CYBC1: variants seen among roughly 807,000 people sequenced by gnomAD.
CYBC1 encodes cytochrome b-245 chaperone 1, also known as essential for reactive oxygen species protein.
A neutral mutation model predicts 21.7 loss-of-function variants in CYBC1; 22 were observed. The observed-to-expected ratio is 1.02, with a 90% CI of 0.73 to 1.45. The LOEUF (loss-of-function observed/expected upper bound fraction) is 1.45. Among genes scored for constraint, CYBC1 ranks in the 40% most tolerant of loss-of-function variants. The pLI is 0.00. For missense variants in CYBC1, 237 were observed against 242.1 expected, an observed-to-expected ratio of 0.98 and a Z score of 0.14; for synonymous variants, 112 against 98.7, an observed-to-expected ratio of 1.13 and a Z score of -0.80.
In CYBC1 at chr17:82,443,754, C is replaced by T. The variant is rs752909503; in HGVS notation, c.*250G>A. ...AGGCCAACTCGGCTGGAGGCACCAA[C>T]TGAAGCCAAGGCCACGGGTCCTGTG... On this transcript the variant is annotated 3_prime_UTR_variant, in exon 7 of 7. Transcript: ENST00000306645. The surrounding 1 kb of genome is among the most constrained non-coding windows in gnomAD (Gnocchi z 6.7). 29 of 926,634 alleles carry T rather than the reference C, an allele frequency of 3.1e-5. No individual in the cohort carries two copies. Among genetic ancestry groups the T allele is most frequent in the Non-Finnish European group, 3.5e-5 (20 of 566,126 alleles). The allele number at this position is 926,634 out of a possible 1,614,324, so 57.4% of individuals were successfully genotyped here.
chr17:82,445,684 G>A (rs2054239543), intron 5 of CYBC1, 180 bp downstream of exon 5: 1 of 561,282 alleles, frequency 1.8e-6, no homozygotes, highest in Admixed American at 3.1e-5. Flanking sequence ...CAGGTGAGCA[G>A]GTGGGGCGTA....
At chr17:82,447,181 G>A (rs1168598064) in intron 3 of CYBC1, 7 of 314,770 alleles carry the variant, frequency 2.2e-5, no homozygotes, top group Middle Eastern at 1.0e-3. Flanking sequence ...GTGAAACCCC[G>A]TCTCTACTAA....
intron 3 of CYBC1, 59 bp downstream of exon 3, chr17:82,447,521 T>G: frequency 1.5e-6 from 2 of 1,342,632 alleles, no homozygotes; most frequent in South Asian, 1.2e-5. Context: ...TTTCCTTCTT[T>G]TCTCTGTTTT....
Position 82,444,431 on chromosome 17 carries a change from AG to A in CYBC1, c.443+15del. The A allele has an allele frequency of 1.3e-6, 2 of 1,593,392 alleles. No homozygotes were observed. Among genetic ancestry groups the A allele is most frequent in the African/African-American group, 2.7e-5 (2 of 74,748 alleles). On this transcript the variant is annotated intron_variant, in intron 6 of 6. Transcript: ENST00000306645. ...ACGGCTGCAGCTCCGGCCAGATCAA[AG>A]TCCCACAGCCTTACCTGCGGTGGCC...
rs1023860494 is a variant in CYBC1 at position 82,443,374 on chromosome 17, G to A, written c.*630C>T. On this transcript the variant is annotated 3_prime_UTR_variant, in exon 7 of 7. Coordinates refer to ENST00000306645, the MANE Select transcript of CYBC1 (RefSeq NM_001033046.4). This position sits in a 1 kb window ranked among gnomAD's most constrained non-coding sequence, Gnocchi z 6.7. ...CGAGATCCTGGCATCAGCAAGGGAG[G>A]CGGGTCCTCGGGGAGGGGCAGCTTC... 2 of 485,444 alleles carry A rather than the reference G, an allele frequency of 4.1e-6. No homozygotes were observed. Among genetic ancestry groups the A allele is most frequent in the African/African-American group, 3.9e-5 (2 of 51,624 alleles). The allele number at this position is 485,444 out of a possible 1,614,324, so 30.1% of individuals were successfully genotyped here. A position where few individuals can be genotyped will look rare whatever the true frequency, so the allele number is the denominator to read the frequency against.
intron 1 of CYBC1, 168 bp downstream of exon 1, chr17:82,450,532 C>G (rs887049092): frequency 5.3e-5 from 8 of 152,312 alleles, no homozygotes; most frequent in African/African-American, 1.9e-4. Context: ...CCGGGGCCAA[C>G]CTGCAGCGGA....
Position 82,446,661 on chromosome 17 carries a change from A to C in CYBC1, c.163T>G (p.Cys55Gly), listed in dbSNP as rs1479092368. 3.7e-6 allele frequency: 6 copies of C among 1,614,136 alleles called. No individual in the cohort carries two copies. The South Asian group carries it at 6.6e-5, about 18-fold the overall frequency. Residue 55 changes from cysteine to glycine, a missense_variant, in exon 4 of 7, where the codon TGC becomes GGC. Coordinates refer to ENST00000306645, the MANE Select transcript of CYBC1 (RefSeq NM_001033046.4). ...LGWKLFYVTG[C>G]LFVAVQNLED... ...AAGTTCTGCACAGCCACAAACAGGC[A>C]GCCTGTGACGTAGAAGAGCTTCCAG...
chr17:82,443,684 C>A lies in CYBC1; in HGVS notation c.*320G>T. ...AGAAAGTCTGGATGTCCTGGTCTGG[C>A]CTGCTGTTTCATGCAGTGTGCAAGC... On this transcript the variant is annotated 3_prime_UTR_variant, in exon 7 of 7. Coordinates refer to ENST00000306645, the MANE Select transcript of CYBC1 (RefSeq NM_001033046.4). This position sits in a 1 kb window ranked among gnomAD's most constrained non-coding sequence, Gnocchi z 6.7. The A allele has an allele frequency of 1.3e-6, 1 of 769,652 alleles. No individual in the cohort carries two copies. The highest frequency in any genetic ancestry group is 2.4e-6 in the Non-Finnish European group (1 of 421,998). 47.7% of individuals were successfully genotyped at this position (769,652 alleles called of 1,614,324 possible). A position where few individuals can be genotyped will look rare whatever the true frequency, so the allele number is the denominator to read the frequency against.
chr17:82,442,663 A>T lies in CYBC1; in HGVS notation c.*1341T>A, dbSNP rs2054035775. The T allele has an allele frequency of 7.2e-7, 1 of 1,385,296 alleles. No individual in the cohort carries two copies. Among genetic ancestry groups the T allele is most frequent in the African/African-American group, 1.4e-5 (1 of 69,736 alleles). 85.8% of individuals were successfully genotyped at this position (1,385,296 alleles called of 1,614,324 possible). On this transcript the variant is annotated 3_prime_UTR_variant, in exon 7 of 7. Transcript: ENST00000306645. This position sits in a 1 kb window ranked among gnomAD's most constrained non-coding sequence, Gnocchi z 6.8. ...GCAGGTGACACGTGAAGGGTTATTT[A>T]TGGTTATGATGACCCTGTCCTGCAA...
At chr17:82,444,241 C>G (rs1381641770) in intron 6 of CYBC1, 117 bp from the exon 7 acceptor site, 24 of 1,482,716 alleles carry the variant, frequency 1.6e-5, no homozygotes, top group Non-Finnish European at 2.0e-5. Context: ...AGCTCCCAAA[C>G]TGGACCCAGC....
chr17:82,448,904 T>G (rs1372348439), intron 2 of CYBC1: 1 of 472,536 alleles, frequency 2.1e-6, no homozygotes, highest in African/African-American at 2.0e-5. Context: ...TCAAAACAAG[T>G]ACAAAGGAAA....
At chr17:82,444,625 C>T (rs376948702) in intron 5 of CYBC1, 34 bp from the exon 6 acceptor site, 184 of 1,568,004 alleles carry the variant, frequency 1.2e-4, no homozygotes, top group Non-Finnish European at 1.3e-4. Flanking sequence ...GAGCCATCCC[C>T]GCCCACACAT....
intron 1 of CYBC1, chr17:82,450,314 C>T (rs2143768944): frequency 6.6e-6 from 1 of 152,334 alleles, no homozygotes; most frequent in Middle Eastern, 3.4e-3. Flanking sequence ...TCAAATCACA[C>T]AAACCAATCC....
At chr17:82,446,354 G>A (rs968252562) in intron 4 of CYBC1, among the ~76,000 whole-genome samples, 2 of 152,232 alleles carry the variant, frequency 1.3e-5, no homozygotes, top group East Asian at 3.9e-4. Context: ...TCCCATTGTG[G>A]CAACTCTGGG....
rs1044241206 is a variant in CYBC1, at chr17:82,445,928, A to C, written c.234T>G (p.Val78=). Residue 78 remains valine (V), a synonymous_variant, in exon 5 of 7, where the codon GTT becomes GTG. Transcript: ENST00000306645. ...TGTAGAGGCTGAACGTCTTCAAAAC[A>C]ACCTTCCCTGTGCTCTTGTCGAAGA... is the stretch of plus-strand genomic sequence containing the variant. ...EAIFDKSTGK[V]VLKTFSLYKK... The C allele has an allele frequency of 1.2e-6, 2 of 1,613,694 alleles. No individual in the cohort carries two copies. The highest frequency in any genetic ancestry group is 8.5e-7 in the Non-Finnish European group (1 of 1,179,812).
chr17:82,444,688 A>T, intron 5 of CYBC1, 97 bp from the exon 6 acceptor site: 1 of 1,452,328 alleles, frequency 6.9e-7, no homozygotes, highest in Non-Finnish European at 9.3e-7. Context: ...CGACAGCCAC[A>T]CTTGGTTGGC....
intron 3 of CYBC1, 78 bp from the exon 4 acceptor site, chr17:82,446,774 C>G (rs1012494191): frequency 1.2e-5 from 17 of 1,441,970 alleles, no homozygotes; most frequent in Non-Finnish European, 1.9e-6. Context: ...ACAGCCTCCC[C>G]CAGACGCTGG....
chr17:82,450,624 A>T (rs2054536025), intron 1 of CYBC1, 76 bp downstream of exon 1: 1 of 151,948 alleles, frequency 6.6e-6, no homozygotes, highest in Non-Finnish European at 1.5e-5. Flanking sequence ...CCCCTCCCGG[A>T]GTGGGCCTAA....
rs964482983 is a variant in CYBC1, at chr17:82,442,689, C to T, written c.*1315G>A. ...TGGTTATGATGACCCTGTCCTGCAA[C>T]GAGGGACTGGCAGCCACTACTGAGG... On this transcript the variant is annotated 3_prime_UTR_variant, in exon 7 of 7. Transcript: ENST00000306645. The surrounding 1 kb of genome is among the most constrained non-coding windows in gnomAD (Gnocchi z 6.8). 1.5e-5 allele frequency: 18 copies of T among 1,215,590 alleles called. No homozygotes were observed. Among genetic ancestry groups the T allele is most frequent in the South Asian group, 4.5e-5 (3 of 66,492 alleles). 75.3% of individuals were successfully genotyped at this position (1,215,590 alleles called of 1,614,324 possible). A position where few individuals can be genotyped will look rare whatever the true frequency, so the allele number is the denominator to read the frequency against.
Sources: gnomAD v4.1 joint callset for allele counts (sites outside exome capture counted in the v4.1 genomes callset) on GRCh38, gnomAD v4.1.1 for gene constraint, Gnocchi (gnomAD v3.1) non-coding constraint, MANE v1.5 for transcripts, NCBI Gene and HGNC (gene_info 2026-07-23, HGNC 2026-07-21) for gene names.